ADAM19: variants seen among roughly 807,000 people sequenced by gnomAD.
The protein encoded by ADAM19 is ADAM metallopeptidase domain 19, also known as disintegrin and metalloproteinase domain-containing protein 19.
A neutral mutation model predicts 114.7 loss-of-function variants in ADAM19; 65 were observed. The ratio of observed to expected loss-of-function variants is 0.57; its 90% confidence interval spans 0.46 to 0.70. The LOEUF (loss-of-function observed/expected upper bound fraction) is 0.70. ADAM19 is among the 30% of genes least tolerant of loss of function. The pLI, the probability that ADAM19 is intolerant of heterozygous loss-of-function variation, is 0.00. For missense variants in ADAM19, 1,063 were observed against 1,204.7 expected (o/e 0.88, Z 1.74); for synonymous variants, 466 against 460.5 (o/e 1.01, Z -0.15).
chr5:157,533,695 G>A (rs558499398), intron 4 of ADAM19, among the ~76,000 whole-genome samples: 1 of 152,164 alleles, frequency 6.6e-6, no homozygotes, highest in Admixed American at 6.5e-5. Flanking sequence ...GGCCAGGCGC[G>A]GTGGCTCATG....
chr5:157,566,512 A>G (rs1757667426), intron 2 of ADAM19: 1 of 152,258 alleles, frequency 6.6e-6, no homozygotes, highest in Non-Finnish European at 1.5e-5. Context: ...AGAATTTCAA[A>G]GAAATTTAAA....
At chr5:157,562,751 T>C (rs923099843) in intron 3 of ADAM19, among the ~76,000 whole-genome samples, 2 of 152,162 alleles carry the variant, frequency 1.3e-5, no homozygotes, top group Non-Finnish European at 2.9e-5. Context: ...GATCATTCCA[T>C]TCAGTGTTTT....
chr5:157,546,226 G>A (rs866381818), intron 3 of ADAM19, among the ~76,000 whole-genome samples: 3 of 152,218 alleles, frequency 2.0e-5, no homozygotes, highest in Non-Finnish European at 4.4e-5. Flanking sequence ...TCCTGGAACA[G>A]CTGCAAACCA....
At chr5:157,484,241 A>G (rs1416134150) in intron 21 of ADAM19, among the ~76,000 whole-genome samples, 1 of 152,086 alleles carries the variant, frequency 6.6e-6, no homozygotes, top group Non-Finnish European at 1.5e-5. Context: ...TACAACATAT[A>G]TAATTTATTT....
chr5:157,494,241 A>G (rs991351543), intron 15 of ADAM19, among the ~76,000 whole-genome samples: 1 of 150,280 alleles, frequency 6.7e-6, no homozygotes, highest in Non-Finnish European at 1.5e-5. Context: ...TCAGTGGGTG[A>G]GTGGGTGGTA....
intron 7 of ADAM19, among the ~76,000 whole-genome samples, chr5:157,517,089 CCTT>C (rs1381925725): frequency 1.3e-5 from 2 of 152,236 alleles, no homozygotes; most frequent in African/African-American, 2.4e-5. Context: ...GTTAACTCCT[CCTT>C]GTCTTTTAAG....
Position 157,477,861 on chromosome 5 carries a change from A to T in ADAM19, c.*3088T>A. 2 of 495,406 alleles carry T rather than the reference A, an allele frequency of 4.0e-6. No homozygotes were observed. Among genetic ancestry groups the T allele is most frequent in the East Asian group, 7.3e-5 (1 of 13,736 alleles). The allele number at this position is 495,406 out of a possible 1,614,324, so 30.7% of individuals were successfully genotyped here. A position where few individuals can be genotyped will look rare whatever the true frequency, so the allele number is the denominator to read the frequency against. ...GGAAGGGACTATGGCAATACAAAAA[A>T]ACACTCCAACCAGAAAATCAGCAAG... On this transcript the variant is annotated 3_prime_UTR_variant, in exon 23 of 23. Transcript: ENST00000257527.
intron 1 of ADAM19, among the ~76,000 whole-genome samples, chr5:157,574,726 A>C (rs1757926214): frequency 6.6e-6 from 1 of 152,194 alleles, no homozygotes; most frequent in African/African-American, 2.4e-5. Context: ...AAATCTGCTT[A>C]TAGCCCCCGA....
intron 13 of ADAM19, among the ~76,000 whole-genome samples, chr5:157,498,684 G>GTGTGTA (rs2061118782): frequency 3.0e-5 from 2 of 66,286 alleles, no homozygotes; most frequent in Non-Finnish European, 6.3e-5. Flanking sequence ...ACACATGTGT[G>GTGTGTA]TATGTATATA....
intron 9 of ADAM19, among the ~76,000 whole-genome samples, chr5:157,508,894 G>A (rs947524378): frequency 2.5e-4 from 38 of 152,314 alleles, no homozygotes; most frequent in African/African-American, 8.9e-4. Flanking sequence ...GACAACACAA[G>A]GAGCCCGCTC....
At chr5:157,527,357 C>CAT (rs1554081699) in intron 5 of ADAM19, among the ~76,000 whole-genome samples, 4 of 151,718 alleles carry the variant, frequency 2.6e-5, no homozygotes, top group Non-Finnish European at 4.4e-5. Flanking sequence ...ACTACAGGTG[C>CAT]CCACCACCAC....
chr5:157,499,226 T>A (rs1276585739), intron 13 of ADAM19, among the ~76,000 whole-genome samples: 1 of 152,102 alleles, frequency 6.6e-6, no homozygotes, highest in Non-Finnish European at 1.5e-5. Context: ...GTGCCTGGCA[T>A]CTACTAAGAG....
At chr5:157,520,253 A>G (rs1029734455) in intron 5 of ADAM19, among the ~76,000 whole-genome samples, 4 of 152,236 alleles carry the variant, frequency 2.6e-5, no homozygotes, top group African/African-American at 9.6e-5. Context: ...GCATGAGCTC[A>G]GGGCACTTGG....
intron 3 of ADAM19, among the ~76,000 whole-genome samples, chr5:157,538,848 T>A (rs1756838690): frequency 6.6e-6 from 1 of 152,180 alleles, no homozygotes. Flanking sequence ...TTCAGCCACA[T>A]TAAAGGCAGA....
intron 3 of ADAM19, among the ~76,000 whole-genome samples, chr5:157,561,021 G>A (rs1757494464): frequency 6.6e-6 from 1 of 152,208 alleles, no homozygotes; most frequent in Non-Finnish European, 1.5e-5. Context: ...GGCTTAAAGA[G>A]GCTACAAGGT....
chr5:157,513,979 T>C (rs1756014391), intron 7 of ADAM19, among the ~76,000 whole-genome samples: 1 of 152,244 alleles, frequency 6.6e-6, no homozygotes, highest in Admixed American at 6.5e-5. Flanking sequence ...GGGCAAGGCA[T>C]TGTGCTTAGC....
chr5:157,540,373 T>C (rs758155884), intron 3 of ADAM19, among the ~76,000 whole-genome samples: 1 of 152,206 alleles, frequency 6.6e-6, no homozygotes. Context: ...TAATAGTTCA[T>C]TCCAGGTGCC....
intron 14 of ADAM19, among the ~76,000 whole-genome samples, chr5:157,495,223 G>C (rs543080803): frequency 2.6e-5 from 4 of 151,982 alleles, no homozygotes; most frequent in Non-Finnish European, 5.9e-5. Context: ...GGCTGGTCTT[G>C]AAGTCCTGAC....
intron 3 of ADAM19, among the ~76,000 whole-genome samples, chr5:157,545,201 C>T (rs1221505594): frequency 3.3e-5 from 5 of 152,224 alleles, no homozygotes; most frequent in Non-Finnish European, 7.3e-5. Flanking sequence ...TCAAGGATGT[C>T]AGAACTTGGA....
Sources: gnomAD v4.1 joint callset for allele counts (sites outside exome capture counted in the v4.1 genomes callset) on GRCh38, gnomAD v4.1.1 for gene constraint, MANE v1.5 for transcripts, NCBI Gene and HGNC (gene_info 2026-07-23, HGNC 2026-07-21) for gene names.